ETV1: variants seen among roughly 807,000 people sequenced by gnomAD.
ETV1 encodes the protein ETS variant transcription factor 1.
In ETV1, 27 loss-of-function variants were observed where a neutral mutation model predicts 62.3. That is an observed-to-expected ratio of 0.43 (90% CI 0.32 to 0.60). The LOEUF (loss-of-function observed/expected upper bound fraction) is 0.60. Among genes scored for constraint, ETV1 ranks in the 20% least tolerant of loss-of-function variants. The pLI, the probability that ETV1 is intolerant of heterozygous loss-of-function variation, is 0.06. For missense variants in ETV1, 605 were observed against 605.8 expected (o/e 1.00, Z 0.01); for synonymous variants, 222 against 199.6 (o/e 1.11, Z -0.94).
intron 6 of ETV1, among the ~76,000 whole-genome samples, chr7:13,955,786 A>G (rs775180539): frequency 2.0e-5 from 3 of 152,222 alleles, no homozygotes; most frequent in Non-Finnish European, 4.4e-5. Flanking sequence ...AGAATTTTTG[A>G]ATTATATTAG....
chr7:13,976,275 T>C (rs887265224), intron 6 of ETV1, among the ~76,000 whole-genome samples: 1 of 152,216 alleles, frequency 6.6e-6, no homozygotes, highest in African/African-American at 2.4e-5. Flanking sequence ...AAAAAAGTTC[T>C]GAAGTTGAAT....
At chr7:13,955,335 G>A (rs1789292887) in intron 6 of ETV1, among the ~76,000 whole-genome samples, 1 of 152,106 alleles carries the variant, frequency 6.6e-6, no homozygotes, top group South Asian at 2.1e-4. Context: ...TCAAAATAAG[G>A]GGAGATGTAT....
intron 13 of ETV1, among the ~76,000 whole-genome samples, chr7:13,899,314 G>A (rs1341756794): frequency 6.6e-6 from 1 of 152,186 alleles, no homozygotes; most frequent in African/African-American, 2.4e-5. Context: ...GGAGGAGCAG[G>A]TAGTAAACTG....
At position 13,945,506 on chromosome 7, in the gene ETV1, A is replaced by C. The variant is rs74779822; in HGVS notation, c.236-6260T>G. ...CAATGAATCTGAGTTGGCAAAAAAA[A>C]TTTTTTTTTTGAATTGCTGCATGTG... On this transcript the variant is annotated intron_variant, in intron 6 of 13. Coordinates refer to ENST00000430479, the MANE Select transcript of ETV1 (RefSeq NM_004956.5). 4.1e-3 allele frequency among the ~76,000 whole-genome samples: 611 copies of C among 150,628 alleles called. 6 individuals carry two copies. The highest frequency in any genetic ancestry group is 0.014 in the African/African-American group (572 of 41,044).
chr7:13,918,239 C>A (rs1232414496), intron 9 of ETV1, among the ~76,000 whole-genome samples: 1 of 152,032 alleles, frequency 6.6e-6, no homozygotes, highest in Admixed American at 6.6e-5. Flanking sequence ...TGGGTATATA[C>A]CCAGTAATGG....
intron 8 of ETV1, among the ~76,000 whole-genome samples, chr7:13,934,112 C>T (rs1228095263): frequency 6.6e-6 from 1 of 152,150 alleles, no homozygotes; most frequent in Non-Finnish European, 1.5e-5. Context: ...TGCACAATGT[C>T]CATCTGTTTA....
chr7:13,962,213 G>GTA (rs1190431725), intron 6 of ETV1, among the ~76,000 whole-genome samples: 1 of 150,922 alleles, frequency 6.6e-6, no homozygotes, highest in Non-Finnish European at 1.5e-5. Flanking sequence ...GTGTGTGTGT[G>GTA]TATATATATA....
At chr7:13,911,380 A>C (rs1783553279) in intron 9 of ETV1, 73 bp from the exon 10 acceptor site, 1 of 976,996 alleles carries the variant, frequency 1.0e-6, no homozygotes, top group Non-Finnish European at 1.6e-6. Context: ...GACAGGGTGC[A>C]GACAGAGAAG....
At chr7:13,951,618 C>T (rs1162262459) in intron 6 of ETV1, among the ~76,000 whole-genome samples, 1 of 152,088 alleles carries the variant, frequency 6.6e-6, no homozygotes, top group Non-Finnish European at 1.5e-5. Flanking sequence ...TGACTGGTTA[C>T]GAACATGGAG....
chr7:13,963,967 G>A (rs1464550330), intron 6 of ETV1, among the ~76,000 whole-genome samples: 1 of 152,054 alleles, frequency 6.6e-6, no homozygotes, highest in Non-Finnish European at 1.5e-5. Context: ...AGGAAAACAG[G>A]GATTGATTTT....
intron 6 of ETV1, among the ~76,000 whole-genome samples, chr7:13,966,442 G>C (rs1293011043): frequency 6.6e-6 from 1 of 152,056 alleles, no homozygotes; most frequent in Non-Finnish European, 1.5e-5. Context: ...AGACCAGCAT[G>C]GGCAACATGG....
At chr7:13,919,475 G>GTT (rs11399164) in intron 9 of ETV1, among the ~76,000 whole-genome samples, 84 of 134,800 alleles carry the variant, frequency 6.2e-4, no homozygotes, top group Admixed American at 9.6e-4. Context: ...TGTTCTTTTG[G>GTT]TTTTTTTTTT....
intron 6 of ETV1, among the ~76,000 whole-genome samples, chr7:13,970,902 T>C (rs561822106): frequency 3.9e-5 from 6 of 152,240 alleles, no homozygotes; most frequent in African/African-American, 1.4e-4. Context: ...AACAGTAATC[T>C]AAGTATTTCT....
chr7:13,905,280 G>A lies in ETV1; in HGVS notation c.1110+1150C>T, dbSNP rs954738799. Among the ~76,000 whole-genome samples, 7 of 152,092 alleles carry A rather than the reference G, an allele frequency of 4.6e-5. No individual in the cohort carries two copies. The South Asian group carries it at 1.0e-3, about 23-fold the overall frequency. ...TGATGGACCCAGTAGTCAAGGGTGTGGATGTTCAGTGTATATGAAAATCAC... is the reference window on the plus strand; with the variant it reads ...TGATGGACCCAGTAGTCAAGGGTGTAGATGTTCAGTGTATATGAAAATCAC... On this transcript the variant is annotated intron_variant, in intron 12 of 13. Coordinates refer to ENST00000430479, the MANE Select transcript of ETV1 (RefSeq NM_004956.5).
At chr7:13,986,857 C>A in intron 4 of ETV1, 172 bp from the exon 5 acceptor site, 1 of 569,412 alleles carries the variant, frequency 1.8e-6, no homozygotes, top group Non-Finnish European at 3.1e-6. Flanking sequence ...ATACTGCCTA[C>A]TTTTCATGCC....
chr7:13,957,130 G>C (rs760753355), intron 6 of ETV1, among the ~76,000 whole-genome samples: 79 of 151,774 alleles, frequency 5.2e-4, no homozygotes, highest in Non-Finnish European at 9.3e-4. Context: ...CTGTCGCCCA[G>C]GCTGGAGTGC....
In ETV1 at chr7:13,895,715, T is replaced by C. The variant is rs1204349480; in HGVS notation, c.*151A>G. 1.6e-5 allele frequency: 10 copies of C among 643,628 alleles called. No homozygotes were observed. Among genetic ancestry groups the C allele is most frequent in the East Asian group, 8.2e-5 (3 of 36,714 alleles). The allele number at this position is 643,628 out of a possible 1,614,324, so 39.9% of individuals were successfully genotyped here. On this transcript the variant is annotated 3_prime_UTR_variant, in exon 14 of 14. Coordinates refer to ENST00000430479, the MANE Select transcript of ETV1 (RefSeq NM_004956.5). ...AAAGTGCACAGTCCATGGCAGACCATAGAATAATGCAACAGGAAAAGCCCC... is the reference window on the plus strand; with the variant it reads ...AAAGTGCACAGTCCATGGCAGACCACAGAATAATGCAACAGGAAAAGCCCC...
chr7:13,918,282 G>A (rs1179436118), intron 9 of ETV1, among the ~76,000 whole-genome samples: 2 of 152,096 alleles, frequency 1.3e-5, no homozygotes, highest in East Asian at 3.9e-4. Flanking sequence ...TCTAGTTCTA[G>A]ATCCCTGAGG....
chr7:13,955,892 G>C (rs1789383156), intron 6 of ETV1, among the ~76,000 whole-genome samples: 1 of 152,054 alleles, frequency 6.6e-6, no homozygotes, highest in Non-Finnish European at 1.5e-5. Context: ...TGGGAGTTCT[G>C]AATCACAAAT....
Sources: gnomAD v4.1 joint callset for allele counts (sites outside exome capture counted in the v4.1 genomes callset) on GRCh38, gnomAD v4.1.1 for gene constraint, MANE v1.5 for transcripts, NCBI Gene and HGNC (gene_info 2026-07-23, HGNC 2026-07-21) for gene names.